RNF214: variants seen among roughly 807,000 people sequenced by gnomAD.
RNF214 encodes the protein ring finger protein 214.
A neutral mutation model predicts 75.9 loss-of-function variants in RNF214; 25 were observed. The observed-to-expected ratio is 0.33, with a 90% CI of 0.24 to 0.46. The LOEUF (loss-of-function observed/expected upper bound fraction) is 0.46. Ranked by LOEUF, RNF214 falls within the 20% of genes least tolerant of loss-of-function variation. The probability of loss-of-function intolerance (pLI) is 1.00; values close to 1 mark genes in which losing one functional copy is unlikely to be tolerated. For synonymous variants in RNF214, 314 were observed against 308.8 expected (o/e 1.02, Z -0.18); for missense variants, 725 against 857.5 (o/e 0.85, Z 1.93).
intron 6 of RNF214, among the ~76,000 whole-genome samples, chr11:117,273,226 G>A (rs2033947000): frequency 6.6e-6 from 1 of 152,086 alleles, no homozygotes; most frequent in South Asian, 2.1e-4. Flanking sequence ...TATTTTAATA[G>A]CTTTTAAAGA....
intron 5 of RNF214, among the ~76,000 whole-genome samples, chr11:117,246,576 C>G (rs867365397): frequency 6.6e-6 from 1 of 152,126 alleles, no homozygotes; most frequent in Non-Finnish European, 1.5e-5. Flanking sequence ...TGAACAATTG[C>G]GATTGCTAGA....
At chr11:117,261,574 T>C (rs1452182773) in intron 6 of RNF214, among the ~76,000 whole-genome samples, 1 of 152,148 alleles carries the variant, frequency 6.6e-6, no homozygotes, top group Non-Finnish European at 1.5e-5. Context: ...AGCAAGACTC[T>C]ATCTCAAAAA....
chr11:117,246,806 C>A lies in RNF214; in HGVS notation c.820-3C>A. ...TGTGCGACTGTAATTGTGTGGAACT[C>A]AGGAGATATTAAAGGCTATTCAGGA... On this transcript the variant is annotated splice_polypyrimidine_tract_variant and splice_region_variant and intron_variant, in intron 5 of 14. Transcript: ENST00000300650. 1 of 1,576,448 alleles carries A rather than the reference C, an allele frequency of 6.3e-7. No individual in the cohort carries two copies. Among genetic ancestry groups the A allele is most frequent in the Non-Finnish European group, 8.6e-7 (1 of 1,160,972 alleles).
chr11:117,233,078 G>A (rs976872781), intron 1 of RNF214, among the ~76,000 whole-genome samples: 2 of 152,120 alleles, frequency 1.3e-5, no homozygotes, highest in African/African-American at 4.8e-5. Context: ...TGGCTCCGGC[G>A]CCCCTGCTTC....
At chr11:117,281,485 A>G (rs1408190214) in intron 9 of RNF214, 81 bp downstream of exon 9, 2 of 1,384,684 alleles carry the variant, frequency 1.4e-6, no homozygotes, top group Non-Finnish European at 2.1e-6. Context: ...AGCCTTTTGC[A>G]TTGCCATTTG....
chr11:117,243,207 C>T (rs1318908677), intron 4 of RNF214, among the ~76,000 whole-genome samples: 1 of 152,186 alleles, frequency 6.6e-6, no homozygotes, highest in Non-Finnish European at 1.5e-5. Context: ...ACTGCAGGGG[C>T]ACAGTCTCTG....
chr11:117,273,501 A>G (rs2134410376), intron 6 of RNF214, among the ~76,000 whole-genome samples: 1 of 152,052 alleles, frequency 6.6e-6, no homozygotes, highest in East Asian at 1.9e-4. Context: ...CCTTTTCTCT[A>G]CCTTCTTATG....
intron 6 of RNF214, among the ~76,000 whole-genome samples, chr11:117,275,907 TACCAAA>T (rs1267354258): frequency 6.6e-6 from 1 of 152,102 alleles, no homozygotes; most frequent in African/African-American, 2.4e-5. Context: ...CTCACCCTGA[TACCAAA>T]GCCAGGAAAG....
At chr11:117,279,418 G>T (rs1018126707) in intron 6 of RNF214, among the ~76,000 whole-genome samples, 6 of 144,836 alleles carry the variant, frequency 4.1e-5, no homozygotes, top group African/African-American at 1.5e-4. Flanking sequence ...TGCAACCTGC[G>T]CCTCCCAGGT....
At chr11:117,272,181 T>G (rs534083369) in intron 6 of RNF214, among the ~76,000 whole-genome samples, 22 of 152,126 alleles carry the variant, frequency 1.4e-4, no homozygotes, top group Non-Finnish European at 2.8e-4. Context: ...AGCTTACGAT[T>G]GTGCCACTGT....
chr11:117,255,686 C>T (rs577697474), intron 6 of RNF214, among the ~76,000 whole-genome samples: 2 of 151,696 alleles, frequency 1.3e-5, no homozygotes, highest in Non-Finnish European at 2.9e-5. Context: ...TATTCTTTCT[C>T]TCTGTCACTG....
intron 1 of RNF214, among the ~76,000 whole-genome samples, chr11:117,233,223 G>A (rs867312534): frequency 2.0e-5 from 3 of 152,208 alleles, no homozygotes; most frequent in Non-Finnish European, 2.9e-5. Flanking sequence ...CGTTCACCGG[G>A]CGCAGAGGAC....
In RNF214 at chr11:117,283,191, C is replaced by T. The variant is rs528961932; in HGVS notation, c.2027C>T (p.Thr676Ile). The change falls in exon 14 of 15, where the codon ACC (threonine) becomes ATC (isoleucine). Residue 676 changes from threonine to isoleucine, a missense_variant. Around this residue, in one of 2 missense-constraint regions of RNF214, gnomAD observed 363 missense variants for 513.0 expected, o/e 0.71. Coordinates refer to ENST00000300650, the MANE Select transcript of RNF214 (RefSeq NM_207343.4). ...QPSELHPMAC[T>I]HVLHKECIKF... ...AGTGAGCTGCATCCAATGGCGTGTA[C>T]CCATGTATTGCACAAGGAGGTAGGT... 1 of 1,612,764 alleles carries T rather than the reference C, an allele frequency of 6.2e-7. No homozygotes were observed. Among genetic ancestry groups the T allele is most frequent in the African/African-American group, 1.3e-5 (1 of 74,860 alleles).
chr11:117,233,656 C>T (rs141960141), intron 1 of RNF214, among the ~76,000 whole-genome samples: 1 of 152,280 alleles, frequency 6.6e-6, no homozygotes, highest in African/African-American at 2.4e-5. Context: ...ACCCAGGATT[C>T]TTTTTTGCAC....
In RNF214 at chr11:117,280,070, C is replaced by T. The variant is rs527941670; in HGVS notation, c.1056+66C>T. 4.7e-6 allele frequency: 7 copies of T among 1,503,188 alleles called. No homozygotes were observed. In the African/African-American group the frequency reaches 6.9e-5, roughly 15 times the overall value. 93.1% of individuals were successfully genotyped at this position (1,503,188 alleles called of 1,614,324 possible). A position where few individuals can be genotyped will look rare whatever the true frequency, so the allele number is the denominator to read the frequency against. On this transcript the variant is annotated intron_variant, in intron 7 of 14. Coordinates refer to ENST00000300650, the MANE Select transcript of RNF214 (RefSeq NM_207343.4). ...GCTTCCAGATGGTATCTACTTTTGG[C>T]ATTGTAATAGGAGAGCCAGTAAGCA...
At chr11:117,264,014 T>A (rs1311098948) in intron 6 of RNF214, 1 of 156,606 alleles carries the variant, frequency 6.4e-6, no homozygotes, top group Non-Finnish European at 1.4e-5. Flanking sequence ...TTGGTAGACT[T>A]ACTTTTACTG....
intron 6 of RNF214, among the ~76,000 whole-genome samples, chr11:117,251,794 C>T (rs941607382): frequency 1.3e-5 from 2 of 152,090 alleles, no homozygotes; most frequent in African/African-American, 2.4e-5. Context: ...TGGGTTTTTC[C>T]ATGATAGAGA....
chr11:117,274,669 A>G (rs1464246993), intron 6 of RNF214, among the ~76,000 whole-genome samples: 2 of 112,994 alleles, frequency 1.8e-5, no homozygotes, highest in East Asian at 5.7e-4. Context: ...GTGCCCAGCC[A>G]TGGCTCTTTT....
intron 6 of RNF214, among the ~76,000 whole-genome samples, chr11:117,270,241 C>CTTTTTTTTTTTTTTTTTTTTT (rs57144374): frequency 1.5e-4 from 11 of 75,852 alleles, no homozygotes; most frequent in Admixed American, 2.9e-4. Context: ...CTTTTCTTTT[C>CTTTTTTTTTTTTTTTTTTTTT]TTTTTTTTTT....
Sources: allele counts gnomAD v4.1 joint callset (sites outside exome capture counted in the v4.1 genomes callset), GRCh38; gene constraint gnomAD v4.1.1; regional missense constraint gnomAD v4.1.1; transcripts MANE v1.5; gene names NCBI Gene and HGNC (gene_info 2026-07-23, HGNC 2026-07-21).